The following SEMA3D variants were observed in gnomAD, a reference collection of about 807,000 sequenced individuals.
SEMA3D encodes the protein semaphorin 3D.
In SEMA3D, 84 loss-of-function variants were observed where a neutral mutation model predicts 100.1. The observed-to-expected ratio is 0.84, with a 90% CI of 0.70 to 1.01. The LOEUF (loss-of-function observed/expected upper bound fraction) is 1.01, where lower values mean the gene tolerates loss of function less well. Ranked by LOEUF, SEMA3D falls within the 50% of genes least tolerant of loss-of-function variation. The probability of loss-of-function intolerance (pLI) is 0.00; values close to 1 mark genes in which losing one functional copy is unlikely to be tolerated. For missense variants in SEMA3D, 875 were observed against 934.1 expected (o/e 0.94, Z 0.82); for synonymous variants, 312 against 320.7 (o/e 0.97, Z 0.29).
chr7:85,218,508 TGAG>T, the SEMA3D span, among the ~76,000 whole-genome samples: 15 of 152,222 alleles, frequency 9.9e-5, no homozygotes, highest in African/African-American at 3.4e-4. Flanking sequence ...CTATATCTCA[TGAG>T]ATTATAATTG....
chr7:85,020,210 T>C (rs759214669), intron 14 of SEMA3D, 23 bp downstream of exon 14: 26 of 1,523,656 alleles, frequency 1.7e-5, no homozygotes, highest in Non-Finnish European at 2.4e-5. Context: ...TCTTTTCTCC[T>C]GGCACTCTGG....
intron 9 of SEMA3D, among the ~76,000 whole-genome samples, chr7:85,044,374 AC>A (rs905652578): frequency 1.7e-4 from 26 of 152,218 alleles, no homozygotes; most frequent in African/African-American, 6.3e-4. Context: ...ATTATTTTTT[AC>A]ATTCCTTTCT....
chr7:85,021,198 A>AAT, intron 13 of SEMA3D, among the ~76,000 whole-genome samples: 1 of 151,902 alleles, frequency 6.6e-6, no homozygotes, highest in South Asian at 2.1e-4. Flanking sequence ...ATCTTTAAAG[A>AAT]ATATTAAATG....
intron 15 of SEMA3D, among the ~76,000 whole-genome samples, chr7:85,017,000 TTCTG>T (rs753963659): frequency 7.9e-5 from 12 of 151,806 alleles, no homozygotes; most frequent in Non-Finnish European, 1.8e-4. Flanking sequence ...CCTAATCTTG[TTCTG>T]TCTTACTTCT....
the SEMA3D span, among the ~76,000 whole-genome samples, chr7:85,220,835 T>C: frequency 2.0e-5 from 3 of 152,114 alleles, no homozygotes; most frequent in East Asian, 1.9e-4. Flanking sequence ...CTTAAACTGA[T>C]GGTACAATCA....
intron 1 of SEMA3D, chr7:85,163,047 G>T (rs879453462): frequency 2.1e-5 from 18 of 875,230 alleles, no homozygotes; most frequent in Admixed American, 6.2e-5. Flanking sequence ...GAATATAAAA[G>T]AAGTATATAC....
chr7:85,008,496 G>A (rs959538239), intron 17 of SEMA3D, among the ~76,000 whole-genome samples: 15 of 151,336 alleles, frequency 9.9e-5, no homozygotes, highest in African/African-American at 1.7e-4. Context: ...GTTTTTAAAC[G>A]TACATAGATG....
intron 4 of SEMA3D, among the ~76,000 whole-genome samples, chr7:85,092,640 TTAAC>T (rs1265838919): frequency 6.6e-6 from 1 of 152,050 alleles, no homozygotes; most frequent in East Asian, 1.9e-4. Context: ...TTTCTGTACA[TTAAC>T]TATTTAGTGA....
intron 1 of SEMA3D, among the ~76,000 whole-genome samples, chr7:85,156,351 C>T (rs551032583): frequency 2.4e-4 from 36 of 152,144 alleles, no homozygotes; most frequent in African/African-American, 7.5e-4. Context: ...TCCACCCCTT[C>T]GGCCTTCCAA....
intron 1 of SEMA3D, chr7:85,167,586 A>G (rs1790943885): frequency 6.2e-6 from 1 of 160,310 alleles, no homozygotes; most frequent in South Asian, 2.0e-4. Context: ...ACCTGTATAG[A>G]GGTATAATCA....
intron 4 of SEMA3D, among the ~76,000 whole-genome samples, chr7:85,094,830 T>C (rs1373877345): frequency 3.3e-5 from 5 of 151,978 alleles, no homozygotes; most frequent in Non-Finnish European, 7.4e-5. Flanking sequence ...TTGGAATCGT[T>C]AAGCTTCGGG....
At chr7:85,096,728 T>C (rs1395167122) in intron 4 of SEMA3D, among the ~76,000 whole-genome samples, 1 of 151,856 alleles carries the variant, frequency 6.6e-6, no homozygotes, top group Non-Finnish European at 1.5e-5. Context: ...AGATAAATAT[T>C]TTGTGTAGAC....
chr7:85,250,066 G>A, the SEMA3D span, among the ~76,000 whole-genome samples: 2 of 152,128 alleles, frequency 1.3e-5, no homozygotes, highest in African/African-American at 4.8e-5. Flanking sequence ...GAAGCACAAG[G>A]GGTCAGGGAG....
intron 5 of SEMA3D, among the ~76,000 whole-genome samples, chr7:85,074,618 C>T (rs980344550): frequency 6.7e-6 from 1 of 149,062 alleles, no homozygotes; most frequent in South Asian, 2.1e-4. Flanking sequence ...AATGTTTCAA[C>T]TGGCATATAT....
the SEMA3D span, among the ~76,000 whole-genome samples, chr7:85,217,765 T>C: frequency 6.6e-6 from 1 of 152,124 alleles, no homozygotes; most frequent in African/African-American, 2.4e-5. Flanking sequence ...TTCTTTGATA[T>C]AGGTGTTTTC....
chr7:85,046,951 A>T (rs1562796038), intron 9 of SEMA3D, among the ~76,000 whole-genome samples: 1 of 151,936 alleles, frequency 6.6e-6, no homozygotes, highest in Non-Finnish European at 1.5e-5. Context: ...GGGTCTCTAC[A>T]CTATTTATCA....
intron 3 of SEMA3D, among the ~76,000 whole-genome samples, chr7:85,098,236 C>T (rs574280168): frequency 1.0e-3 from 151 of 151,484 alleles, no homozygotes; most frequent in Non-Finnish European, 1.8e-3. Context: ...CAGTTTTCAA[C>T]GTAATTATTT....
chr7:85,014,693 C>T (rs1045453025), intron 16 of SEMA3D, among the ~76,000 whole-genome samples: 17 of 151,460 alleles, frequency 1.1e-4, no homozygotes, highest in African/African-American at 3.9e-4. Flanking sequence ...ATTTGCAAAA[C>T]AGTGGGCATC....
At chr7:85,111,894 A>G (rs1454283187) in intron 3 of SEMA3D, among the ~76,000 whole-genome samples, 2 of 152,038 alleles carry the variant, frequency 1.3e-5, no homozygotes, top group Non-Finnish European at 2.9e-5. Flanking sequence ...GGGCCTTTGC[A>G]CTTGATGTTC....
Sources: gnomAD v4.1 joint callset for allele counts (sites outside exome capture counted in the v4.1 genomes callset) on GRCh38, gnomAD v4.1.1 for gene constraint, MANE v1.5 for transcripts, NCBI Gene and HGNC (gene_info 2026-07-23, HGNC 2026-07-21) for gene names.